PCBP3: variants seen among roughly 807,000 people sequenced by gnomAD.
PCBP3 encodes poly(rC)-binding protein 3.
Under a neutral mutation model 52.7 loss-of-function variants are expected in PCBP3, and 25 were observed. The observed-to-expected ratio is 0.47, with a 90% CI of 0.35 to 0.66. The LOEUF (loss-of-function observed/expected upper bound fraction) is 0.66. Among genes scored for constraint, PCBP3 ranks in the 30% least tolerant of loss-of-function variants. The pLI, the probability that PCBP3 is intolerant of heterozygous loss-of-function variation, is 0.01. For missense variants in PCBP3, 391 were observed against 490.3 expected (o/e 0.80, Z 1.91); for synonymous variants, 162 against 183.0 (o/e 0.89, Z 0.93).
At chr21:45,747,265 C>A (rs2086981505) in intron 3 of PCBP3, among the ~76,000 whole-genome samples, 1 of 152,202 alleles carries the variant, frequency 6.6e-6, no homozygotes, top group Admixed American at 6.5e-5. Context: ...GAAAAACCCA[C>A]CCCCATGATT....
At chr21:45,672,135 A>G (rs2081209883) in intron 2 of PCBP3, among the ~76,000 whole-genome samples, 1 of 152,048 alleles carries the variant, frequency 6.6e-6, no homozygotes, top group Non-Finnish European at 1.5e-5. Context: ...GGAATTGGTG[A>G]CTTTATAAAA....
chr21:45,716,273 AG>A (rs1480463533), intron 2 of PCBP3, among the ~76,000 whole-genome samples: 1 of 152,190 alleles, frequency 6.6e-6, no homozygotes, highest in Admixed American at 6.5e-5. Flanking sequence ...AGTCAAAACC[AG>A]TTGACTATAA....
At chr21:45,729,166 A>T (rs73907860) in intron 2 of PCBP3, among the ~76,000 whole-genome samples, 65 of 152,278 alleles carry the variant, frequency 4.3e-4, no homozygotes, top group African/African-American at 1.6e-3. Flanking sequence ...GAAATAATGC[A>T]ATATATAACC....
Position 45,896,365 on chromosome 21 carries a change from A to G in PCBP3, c.165+3A>G. 6.4e-7 allele frequency: 1 copy of G among 1,551,578 alleles called. No homozygotes were observed. The highest frequency in any genetic ancestry group is 1.2e-5 in the South Asian group (1 of 84,066). On this transcript the variant is annotated splice_donor_region_variant and intron_variant, in intron 6 of 17. Coordinates refer to ENST00000681687, the MANE Select transcript of PCBP3 (RefSeq NM_001384156.1). ...TCCGCCTGCTGATGCATGGAAAGGT[A>G]AGAGGAGCCGCCATTGTCTCTGTAG...
intron 13 of PCBP3, among the ~76,000 whole-genome samples, chr21:45,925,718 G>A (rs2149441407): frequency 6.6e-6 from 1 of 152,220 alleles, no homozygotes; most frequent in East Asian, 1.9e-4. Context: ...AAGACTTTAA[G>A]AGAAAAACTT....
At chr21:45,900,178 G>A (rs752021995) in intron 7 of PCBP3, among the ~76,000 whole-genome samples, 24 of 152,078 alleles carry the variant, frequency 1.6e-4, no homozygotes, top group Non-Finnish European at 2.4e-4. Flanking sequence ...TCATTGTCCC[G>A]GCTTCCTCCC....
intron 16 of PCBP3, among the ~76,000 whole-genome samples, chr21:45,939,159 A>C (rs1221988200): frequency 6.6e-6 from 1 of 152,174 alleles, no homozygotes; most frequent in Non-Finnish European, 1.5e-5. Context: ...GGCACCCTCC[A>C]GTCTGGGGCT....
In PCBP3 at chr21:45,934,034, G is replaced by A. The variant is rs1277273468; in HGVS notation, c.857-1219G>A. ...TCCAACCATTGGAGGTGCATTTTGG[G>A]GACCCCTCTGGTCTGTCTGGAACCT... On this transcript the variant is annotated intron_variant, in intron 15 of 17. Transcript: ENST00000681687. Among the ~76,000 whole-genome samples, 6 of 152,234 alleles carry A rather than the reference G, an allele frequency of 3.9e-5. No individual in the cohort carries two copies. The East Asian group carries it at 9.6e-4, about 24-fold the overall frequency.
chr21:45,941,680 G>C lies in PCBP3; in HGVS notation c.1090G>C (p.Glu364Gln). The C allele has an allele frequency of 6.2e-7, 1 of 1,606,642 alleles. No individual in the cohort carries two copies. Among genetic ancestry groups the C allele is most frequent in the Non-Finnish European group, 8.5e-7 (1 of 1,176,594 alleles). Residue 364 changes from glutamate (E) to glutamine (Q), a missense_variant, in exon 18 of 18, where the codon GAG (glutamate) becomes CAG (glutamine). Physicochemically the swap from Glu to Gln is conservative, Grantham distance 29. Coordinates refer to ENST00000681687, the MANE Select transcript of PCBP3 (RefSeq NM_001384156.1). ...CTTTGTCTGTTCCAGGCTGACGTCC[G>C]AGGTCACCGGGATGGGCACGCTGTA... ...QYLINARLTSEVTGMGTL is the reference protein window; with the variant it reads ...QYLINARLTSQVTGMGTL
chr21:45,895,845 G>C (rs1017977035), intron 5 of PCBP3, among the ~76,000 whole-genome samples: 1 of 152,254 alleles, frequency 6.6e-6, no homozygotes, highest in Admixed American at 6.5e-5. Flanking sequence ...GCCCCAGGGC[G>C]CTGGGCCTGT....
chr21:45,687,842 T>A (rs1036185348), intron 2 of PCBP3, among the ~76,000 whole-genome samples: 4 of 152,088 alleles, frequency 2.6e-5, no homozygotes, highest in African/African-American at 9.7e-5. Context: ...GCCATTCTCC[T>A]GCCTCAGCCT....
intron 2 of PCBP3, among the ~76,000 whole-genome samples, chr21:45,722,917 G>A (rs1401163186): frequency 6.6e-6 from 1 of 151,950 alleles, no homozygotes; most frequent in Non-Finnish European, 1.5e-5. Flanking sequence ...GGGAGGCTGA[G>A]GCAGGAGAAT....
At chr21:45,790,095 T>C (rs1479287657) in intron 4 of PCBP3, among the ~76,000 whole-genome samples, 10 of 151,924 alleles carry the variant, frequency 6.6e-5, no homozygotes, top group African/African-American at 2.4e-4. Context: ...AGCCGAGATC[T>C]CGCCACTGCA....
chr21:45,813,597 A>G (rs1370634720), intron 4 of PCBP3, among the ~76,000 whole-genome samples: 3 of 152,118 alleles, frequency 2.0e-5, no homozygotes, highest in Admixed American at 6.5e-5. Context: ...ATGCGCCACA[A>G]CGCCCGGCTA....
intron 12 of PCBP3, 166 bp downstream of exon 12, chr21:45,914,191 C>A: frequency 8.3e-7 from 1 of 1,200,658 alleles, no homozygotes. Flanking sequence ...CAGGCGGACG[C>A]AGGGGGCCTT....
intron 2 of PCBP3, among the ~76,000 whole-genome samples, chr21:45,698,020 C>T (rs2082891390): frequency 1.3e-5 from 2 of 152,186 alleles, no homozygotes; most frequent in African/African-American, 2.4e-5. Context: ...ACTTCCCATG[C>T]ACCTTATCCT....
At chr21:45,910,771 G>A in intron 10 of PCBP3, 131 bp from the exon 11 acceptor site, 1 of 810,216 alleles carries the variant, frequency 1.2e-6, no homozygotes, top group Non-Finnish European at 1.9e-6. Flanking sequence ...GGTGGGGGAG[G>A]GGGCGCGTGG....
rs889734217 is a variant in PCBP3 at position 45,776,972 on chromosome 21, C to G, written c.-126+21520C>G. Among the ~76,000 whole-genome samples the G allele has an allele frequency of 2.6e-5, 4 of 152,080 alleles. No homozygotes were observed. In the South Asian group the frequency reaches 8.3e-4, roughly 31 times the overall value. ...GATTTTTCTAGTGGTACCATTTAAG[C>G]CATTTCTGTTCCTTCTTTGTGTGAT... On this transcript the variant is annotated intron_variant, in intron 4 of 17. Coordinates refer to ENST00000681687, the MANE Select transcript of PCBP3 (RefSeq NM_001384156.1).
At chr21:45,833,912 TG>T (rs144922573) in intron 4 of PCBP3, among the ~76,000 whole-genome samples, 9,815 of 152,274 alleles carry the variant, frequency 0.064, 410 homozygotes, top group Non-Finnish European at 0.092. Context: ...TGAAATCTTC[TG>T]TTTTTTTAAA....
Sources: gnomAD v4.1 joint callset for allele counts (sites outside exome capture counted in the v4.1 genomes callset) on GRCh38, gnomAD v4.1.1 for gene constraint, MANE v1.5 for transcripts, NCBI Gene and HGNC (gene_info 2026-07-23, HGNC 2026-07-21) for gene names.